NRXN3: variants seen among roughly 807,000 people sequenced by gnomAD.
The protein encoded by NRXN3 is neurexin 3, also known as neurexin III.
Under a neutral mutation model 137.6 loss-of-function variants are expected in NRXN3, and 32 were observed. The observed-to-expected ratio is 0.23, with a 90% CI of 0.18 to 0.31. The LOEUF (loss-of-function observed/expected upper bound fraction) is 0.31. NRXN3 is among the 10% of genes least tolerant of loss of function. The probability of loss-of-function intolerance (pLI) is 1.00; values close to 1 mark genes in which losing one functional copy is unlikely to be tolerated. For missense variants in NRXN3, 1,574 were observed against 2,062.5 expected, an observed-to-expected ratio of 0.76 and a Z score of 4.59; for synonymous variants, 798 against 784.5, an observed-to-expected ratio of 1.02 and a Z score of -0.29.
At chr14:78,472,436 A>C (rs2095292829) in intron 4 of NRXN3, among the ~76,000 whole-genome samples, 1 of 152,138 alleles carries the variant, frequency 6.6e-6, no homozygotes, top group Non-Finnish European at 1.5e-5. Context: ...CCTCTCTACC[A>C]AACACCATTT....
chr14:78,691,522 G>C (rs1322741342), intron 6 of NRXN3, among the ~76,000 whole-genome samples: 1 of 152,148 alleles, frequency 6.6e-6, no homozygotes, highest in East Asian at 1.9e-4. Context: ...TTTTTTGATG[G>C]AATTCTAGTG....
At chr14:79,420,463 C>T (rs2095559706) in intron 15 of NRXN3, among the ~76,000 whole-genome samples, 1 of 152,010 alleles carries the variant, frequency 6.6e-6, no homozygotes, top group African/African-American at 2.4e-5. Flanking sequence ...AATAATGGAA[C>T]ACTAGGCATA....
At chr14:79,526,581 T>A (rs1456490449) in intron 16 of NRXN3, among the ~76,000 whole-genome samples, 1 of 152,186 alleles carries the variant, frequency 6.6e-6, no homozygotes, top group Non-Finnish European at 1.5e-5. Flanking sequence ...ATGGTGAATT[T>A]ATATGTTCCG....
intron 4 of NRXN3, among the ~76,000 whole-genome samples, chr14:78,492,363 T>TA (rs35905391): frequency 2.0e-5 from 3 of 152,260 alleles, no homozygotes; most frequent in South Asian, 4.1e-4. Flanking sequence ...CATTATTTCA[T>TA]AAAAAAGACA....
At chr14:78,220,607 G>A (rs1456135424) in intron 1 of NRXN3, among the ~76,000 whole-genome samples, 3 of 152,152 alleles carry the variant, frequency 2.0e-5, no homozygotes, top group Non-Finnish European at 4.4e-5. Flanking sequence ...TTCAAGGCGA[G>A]GGAAGAGGGA....
chr14:78,900,991 C>T lies in NRXN3; in HGVS notation c.2276-56251C>T, dbSNP rs532222365. Among the ~76,000 whole-genome samples, 6 of 152,156 alleles carry T rather than the reference C, an allele frequency of 3.9e-5. No individual in the cohort carries two copies. The South Asian group carries it at 8.3e-4, about 21-fold the overall frequency. On this transcript the variant is annotated intron_variant, in intron 10 of 20. Coordinates refer to ENST00000335750, the MANE Select transcript of NRXN3 (RefSeq NM_001330195.2). ...GGCATGTGGGCTGAATGAGGATGTT[C>T]AGTCTGGTCACATCAAAAGCCCTAG...
chr14:79,081,594 C>T (rs900538589), intron 15 of NRXN3, among the ~76,000 whole-genome samples: 8 of 131,824 alleles, frequency 6.1e-5, no homozygotes, highest in African/African-American at 1.2e-4. Context: ...CCAGCCTGGG[C>T]GACAGAGTGA....
intron 15 of NRXN3, among the ~76,000 whole-genome samples, chr14:79,192,816 G>A (rs570278427): frequency 2.5e-5 from 3 of 121,714 alleles, no homozygotes; most frequent in South Asian, 2.7e-4. Flanking sequence ...TGTCACCCAA[G>A]CTGGAGTGCA....
chr14:79,333,020 C>T (rs1362081264), intron 15 of NRXN3, among the ~76,000 whole-genome samples: 3 of 152,122 alleles, frequency 2.0e-5, no homozygotes, highest in Admixed American at 2.0e-4. Flanking sequence ...TTTCCCAGCA[C>T]TCCCCTGCAC....
intron 10 of NRXN3, among the ~76,000 whole-genome samples, chr14:78,938,692 G>A (rs1482158628): frequency 6.6e-6 from 1 of 151,956 alleles, no homozygotes; most frequent in East Asian, 1.9e-4. Context: ...TTTCTCTTTA[G>A]TGTGCCTGGA....
intron 10 of NRXN3, among the ~76,000 whole-genome samples, chr14:78,894,898 C>CT (rs936797616): frequency 1.6e-4 from 23 of 146,830 alleles, no homozygotes; most frequent in Middle Eastern, 3.5e-3. Flanking sequence ...AAAAAAAAAT[C>CT]TTTTTTTTTT....
intron 15 of NRXN3, among the ~76,000 whole-genome samples, chr14:79,155,075 T>C (rs1596550525): frequency 6.6e-6 from 1 of 151,876 alleles, no homozygotes. Flanking sequence ...TACTGGACTT[T>C]TTCCTCCCCG....
chr14:78,882,813 T>G (rs569782137), intron 10 of NRXN3, among the ~76,000 whole-genome samples: 2 of 151,360 alleles, frequency 1.3e-5, no homozygotes, highest in Non-Finnish European at 2.9e-5. Context: ...GGCATGAGAT[T>G]TGTGAGGGGC....
intron 10 of NRXN3, among the ~76,000 whole-genome samples, chr14:78,848,009 AT>A (rs2099032288): frequency 2.0e-5 from 3 of 152,194 alleles, no homozygotes; most frequent in South Asian, 4.2e-4. Context: ...TATTAATAGA[AT>A]TCCACCCCCG....
intron 4 of NRXN3, among the ~76,000 whole-genome samples, chr14:78,361,771 A>G (rs1352338769): frequency 1.3e-5 from 2 of 152,162 alleles, no homozygotes; most frequent in African/African-American, 4.8e-5. Context: ...TCCTTCCTGG[A>G]TTTGGTACAG....
intron 16 of NRXN3, among the ~76,000 whole-genome samples, chr14:79,497,838 C>T (rs768947600): frequency 6.6e-6 from 1 of 152,110 alleles, no homozygotes; most frequent in Non-Finnish European, 1.5e-5. Flanking sequence ...AGCTCGAGAC[C>T]AGCCTGGCCA....
intron 16 of NRXN3, among the ~76,000 whole-genome samples, chr14:79,552,687 CT>C (rs2153750135): frequency 6.6e-6 from 1 of 152,136 alleles, no homozygotes; most frequent in African/African-American, 2.4e-5. Context: ...GATGAGTGGC[CT>C]GGAAGAACAG....
chr14:78,389,162 T>A (rs1345181988), intron 4 of NRXN3, among the ~76,000 whole-genome samples: 1 of 151,906 alleles, frequency 6.6e-6, no homozygotes, highest in Non-Finnish European at 1.5e-5. Context: ...TTCAAGCAAT[T>A]CTCTTGCCTC....
At chr14:79,138,822 T>G (rs8014687) in intron 15 of NRXN3, among the ~76,000 whole-genome samples, 149,606 of 152,286 alleles carry the variant, frequency 0.98, 73,536 homozygotes, top group Middle Eastern at 1. Context: ...AAGAATTCAA[T>G]CTTAAAACAT....
Sources: allele counts gnomAD v4.1 joint callset (sites outside exome capture counted in the v4.1 genomes callset), GRCh38; gene constraint gnomAD v4.1.1; transcripts MANE v1.5; gene names NCBI Gene and HGNC (gene_info 2026-07-23, HGNC 2026-07-21).